CLSPN: variants seen among roughly 807,000 people sequenced by gnomAD.
The protein encoded by CLSPN is claspin homolog.
Under a neutral mutation model 156.3 loss-of-function variants are expected in CLSPN, and 85 were observed. That is an observed-to-expected ratio of 0.54 (90% CI 0.46 to 0.65). CLSPN has a LOEUF of 0.65. Among genes scored for constraint, CLSPN ranks in the 30% least tolerant of loss-of-function variants. The pLI, the probability that CLSPN is intolerant of heterozygous loss-of-function variation, is 0.00. For synonymous variants in CLSPN, 534 were observed against 542.4 expected (o/e 0.98, Z 0.22); for missense variants, 1,407 against 1,554.9 (o/e 0.90, Z 1.60).
chr1:35,765,112 G>C, intron 2 of CLSPN, 106 bp downstream of exon 2: 1 of 695,128 alleles, frequency 1.4e-6, no homozygotes, highest in South Asian at 1.8e-5. Context: ...AATAAGGATG[G>C]GGCATTAATA....
At chr1:35,737,259 CA>C in intron 23 of CLSPN, 79 bp downstream of exon 23, 1 of 1,353,750 alleles carries the variant, frequency 7.4e-7, no homozygotes, top group Non-Finnish European at 1.1e-6. Flanking sequence ...CCTCTAATGA[CA>C]GAGACTATTC....
chr1:35,739,343 A>G, intron 19 of CLSPN, 22 bp downstream of exon 19: 2 of 1,613,808 alleles, frequency 1.2e-6, no homozygotes. Flanking sequence ...TATTACTCAG[A>G]AGGGCTTATT....
rs932338792 is a variant in CLSPN, at chr1:35,736,981, C to G, written c.3842G>C (p.Arg1281Thr). The G allele has an allele frequency of 1.9e-6, 3 of 1,613,996 alleles. No individual in the cohort carries two copies. The highest frequency in any genetic ancestry group is 1.3e-5 in the African/African-American group (1 of 74,902). ...AGAAAGTGTATGAAAGACAAAGTTT[C>G]TTGAATTTCGAGGAGCACTGGGGTT... Reference protein sequence around the residue: ...DHNPSAPRNSRNFVFHTLSPV... With the variant: ...DHNPSAPRNSTNFVFHTLSPV... Residue 1281 changes from arginine (R) to threonine (T), a missense_variant, in exon 24 of 25, where the codon AGA becomes ACA. Transcript: ENST00000318121.
chr1:35,765,676 T>TG (rs1435106630), intron 1 of CLSPN, among the ~76,000 whole-genome samples: 1 of 152,186 alleles, frequency 6.6e-6, no homozygotes, highest in Non-Finnish European at 1.5e-5. Context: ...AATTAATAAA[T>TG]GATAGAATTA....
chr1:35,760,313 G>C (rs1642428720), intron 8 of CLSPN, 29 bp downstream of exon 8: 2 of 1,564,758 alleles, frequency 1.3e-6, no homozygotes, highest in Non-Finnish European at 1.7e-6. Flanking sequence ...AATCACTCCA[G>C]GGAGGCTCCC....
downstream of CLSPN, among the ~76,000 whole-genome samples, chr1:35,730,581 A>G (rs1641289458): frequency 2.0e-5 from 3 of 150,726 alleles, no homozygotes; most frequent in African/African-American, 7.3e-5. Flanking sequence ...AAAAAAAAAA[A>G]AAAAAAAAAA....
intron 15 of CLSPN, 87 bp from the exon 16 acceptor site, chr1:35,745,649 T>C: frequency 1.1e-6 from 1 of 918,006 alleles, no homozygotes; most frequent in Non-Finnish European, 1.7e-6. Context: ...GCCAGCTCGA[T>C]ACAGTTCTAA....
downstream of CLSPN, among the ~76,000 whole-genome samples, chr1:35,727,585 T>C (rs912057408): frequency 1.3e-5 from 2 of 152,030 alleles, no homozygotes; most frequent in East Asian, 1.9e-4. Flanking sequence ...GCAGGCTCAG[T>C]TGGGACAGTC....
rs1217874520 is a variant in CLSPN at position 35,738,440 on chromosome 1, T to C, written c.3558+15A>G. ...ACAGTCTCATAAACTAGGGTCAGAGTAGGTGAACTCCTACCATGTCCCGAA... is the reference window on the plus strand; with the variant it reads ...ACAGTCTCATAAACTAGGGTCAGAGCAGGTGAACTCCTACCATGTCCCGAA... On this transcript the variant is annotated intron_variant, in intron 21 of 24. Coordinates refer to ENST00000318121, the MANE Select transcript of CLSPN (RefSeq NM_022111.4). 1.2e-5 allele frequency: 20 copies of C among 1,612,878 alleles called. No individual in the cohort carries two copies. The highest frequency in any genetic ancestry group is 1.7e-5 in the Non-Finnish European group (20 of 1,179,358).
At chr1:35,761,852 G>C in intron 6 of CLSPN, 146 bp downstream of exon 6, 1 of 615,254 alleles carries the variant, frequency 1.6e-6, no homozygotes, top group South Asian at 2.1e-5. Context: ...TTAGAACAAT[G>C]GCCTTTCACC....
In CLSPN at chr1:35,734,002, G is replaced by C; in HGVS notation, c.*2494C>G. 1 of 985,306 alleles carries C rather than the reference G, an allele frequency of 1.0e-6. No homozygotes were observed. Among genetic ancestry groups the C allele is most frequent in the Non-Finnish European group, 1.2e-6 (1 of 829,814 alleles). 61.0% of individuals were successfully genotyped at this position (985,306 alleles called of 1,614,324 possible). A position where few individuals can be genotyped will look rare whatever the true frequency, so the allele number is the denominator to read the frequency against. ...CTAAAAAATAAGTTTTTTAAACAAA[G>C]AGCTATAATAGAAGGTACCATTTAT... On this transcript the variant is annotated 3_prime_UTR_variant, in exon 25 of 25. Coordinates refer to ENST00000318121, the MANE Select transcript of CLSPN (RefSeq NM_022111.4).
At chr1:35,720,783 C>G in exon 25 of CLSPN, 1 of 722,268 alleles carries the variant, frequency 1.4e-6, no homozygotes, top group East Asian at 2.9e-5. Context: ...CTTTGGTGAT[C>G]TAGGGTTATG....
At chr1:35,753,715 G>C in intron 9 of CLSPN, 30 bp downstream of exon 9, 1 of 1,573,550 alleles carries the variant, frequency 6.4e-7, no homozygotes, top group Non-Finnish European at 8.7e-7. Context: ...AAAGCAAAAA[G>C]CAAAAAACAA....
In CLSPN at chr1:35,739,502, C is replaced by T; in HGVS notation, c.3171G>A (p.Glu1057=). The change falls in exon 19 of 25, where the codon GAG becomes GAA. Residue 1057 remains glutamate (E), a synonymous_variant. Transcript: ENST00000318121. ...CCACATCACTTCCTGACACCTCTGC[C>T]TCATCCTCCAGGTATTTCCTCAACC... is the stretch of plus-strand genomic sequence containing the variant. ...QMRLRKYLED[E]AEVSGSDVGS... is the part of the protein sequence containing the mutation. 6.2e-7 allele frequency: 1 copy of T among 1,613,836 alleles called. No homozygotes were observed. Among genetic ancestry groups the T allele is most frequent in the Non-Finnish European group, 8.5e-7 (1 of 1,179,938 alleles).
chr1:35,753,655 T>C (rs1262206983), intron 9 of CLSPN, 90 bp downstream of exon 9: 8 of 1,270,764 alleles, frequency 6.3e-6, no homozygotes, highest in Non-Finnish European at 5.6e-6. Context: ...AAAGATTCTA[T>C]AACTTTTCAT....
chr1:35,747,131 G>A (rs1009226481), intron 14 of CLSPN, 139 bp from the exon 15 acceptor site: 1 of 621,096 alleles, frequency 1.6e-6, no homozygotes, highest in Admixed American at 2.9e-5. Context: ...GACCATCCTG[G>A]CTAACATGGT....
chr1:35,753,522 G>GT (rs1332158185), intron 9 of CLSPN, among the ~76,000 whole-genome samples: 3 of 147,888 alleles, frequency 2.0e-5, no homozygotes, highest in Admixed American at 6.6e-5. Context: ...CTATAATGGG[G>GT]TTTTTTATAA....
chr1:35,737,875 A>G, intron 22 of CLSPN, 117 bp downstream of exon 22: 1 of 525,032 alleles, frequency 1.9e-6, no homozygotes, highest in Admixed American at 3.2e-5. Flanking sequence ...TCTTTAAGAC[A>G]GTATTAGACA....
intron 8 of CLSPN, among the ~76,000 whole-genome samples, chr1:35,759,121 T>C (rs1444482184): frequency 6.6e-6 from 1 of 152,238 alleles, no homozygotes. Context: ...AGGAAATTTA[T>C]TCAATGTGGT....
Sources: gnomAD v4.1 joint callset for allele counts (sites outside exome capture counted in the v4.1 genomes callset) on GRCh38, gnomAD v4.1.1 for gene constraint, MANE v1.5 for transcripts, NCBI Gene and HGNC (gene_info 2026-07-23, HGNC 2026-07-21) for gene names.